Variants in ZNF385D observed in about 807,000 individuals in gnomAD.
The protein encoded by ZNF385D is zinc finger protein 659.
ZNF385D carries 15 observed loss-of-function variants against 35.8 expected under a neutral mutation model. The ratio of observed to expected loss-of-function variants is 0.42; its 90% CI spans 0.28 to 0.64. ZNF385D has a LOEUF of 0.64. Ranked by LOEUF, ZNF385D falls within the 30% of genes least tolerant of loss-of-function variation. The pLI, the probability that ZNF385D is intolerant of heterozygous loss-of-function variation, is 0.23. For synonymous variants in ZNF385D, 212 were observed against 186.8 expected (o/e 1.13, Z -1.10); for missense variants, 474 against 494.6 (o/e 0.96, Z 0.39).
At chr3:22,337,835 A>C (rs1695241985) in intron 2 of ZNF385D, among the ~76,000 whole-genome samples, 1 of 152,228 alleles carries the variant, frequency 6.6e-6, no homozygotes, top group Admixed American at 6.5e-5. Context: ...ACAGAACAGG[A>C]GCTATCACTG....
intron 3 of ZNF385D, among the ~76,000 whole-genome samples, chr3:21,843,357 G>C (rs1187250557): frequency 6.6e-6 from 1 of 151,914 alleles, no homozygotes; most frequent in Non-Finnish European, 1.5e-5. Context: ...TGACATTAGT[G>C]GACCAGGGGA....
At chr3:21,861,061 GT>G (rs1298610436) in intron 3 of ZNF385D, among the ~76,000 whole-genome samples, 1 of 152,118 alleles carries the variant, frequency 6.6e-6, no homozygotes, top group Non-Finnish European at 1.5e-5. Flanking sequence ...ACAAAGAACA[GT>G]TTAAGCGTTA....
intron 3 of ZNF385D, among the ~76,000 whole-genome samples, chr3:21,800,365 T>A (rs1409201107): frequency 1.3e-5 from 2 of 152,198 alleles, no homozygotes; most frequent in African/African-American, 4.8e-5. Context: ...ATTAAATCTA[T>A]CCAATCCATT....
chr3:21,501,311 CTT>C lies in ZNF385D; in HGVS notation c.439+9548_439+9549del, dbSNP rs576543653. ...AAAATCACTACATGTGTGTCCATGT[CTT>C]TTTATCTAAACTAGCATGAGGACCA... is the stretch of plus-strand genomic sequence containing the variant. On this transcript the variant is annotated intron_variant, in intron 4 of 7. Transcript: ENST00000281523. Among the ~76,000 whole-genome samples the C allele has an allele frequency of 7.9e-5, 12 of 152,304 alleles. No homozygotes were observed. In the East Asian group the frequency reaches 2.3e-3, roughly 29 times the overall value.
At chr3:21,843,814 G>T (rs1382999409) in intron 3 of ZNF385D, among the ~76,000 whole-genome samples, 1 of 151,880 alleles carries the variant, frequency 6.6e-6, no homozygotes, top group Non-Finnish European at 1.5e-5. Context: ...GGTCCCAGGT[G>T]GTAGCATGGT....
chr3:21,549,571 C>T (rs2062496730), intron 3 of ZNF385D, among the ~76,000 whole-genome samples: 1 of 152,298 alleles, frequency 6.6e-6, no homozygotes, highest in Middle Eastern at 3.4e-3. Flanking sequence ...TAGTGACAAC[C>T]TATAGGCCAT....
chr3:21,446,430 C>A (rs756754988), intron 4 of ZNF385D, among the ~76,000 whole-genome samples: 4 of 150,046 alleles, frequency 2.7e-5, no homozygotes, highest in Non-Finnish European at 4.4e-5. Flanking sequence ...TAAAAGAGAA[C>A]CCTGGAAAAA....
chr3:21,818,739 G>T (rs955368765), intron 3 of ZNF385D, among the ~76,000 whole-genome samples: 2 of 152,012 alleles, frequency 1.3e-5, no homozygotes, highest in Non-Finnish European at 2.9e-5. Flanking sequence ...GTTGATAATT[G>T]TGGAGGTAGG....
chr3:22,281,220 C>A (rs113145738), intron 2 of ZNF385D, among the ~76,000 whole-genome samples: 6,223 of 151,998 alleles, frequency 0.041, 144 homozygotes, highest in African/African-American at 0.063. Flanking sequence ...GTTTGGATAC[C>A]CTTTCTTTCT....
At position 21,622,595 on chromosome 3, in the gene ZNF385D, G is replaced by A. The variant is rs374925045; in HGVS notation, c.165+42291C>T. On this transcript the variant is annotated intron_variant, in intron 2 of 7. Transcript: ENST00000281523. ...CTAAGGAGGTTCTGAGATGTTAAAG[G>A]CTTCACGTAATATTACAGATAAGAA... Among the ~76,000 whole-genome samples, 125 of 152,136 alleles carry A rather than the reference G, an allele frequency of 8.2e-4. 3 individuals carry two copies. In the South Asian group the frequency reaches 0.025, roughly 30 times the overall value.
chr3:21,843,030 G>A (rs1425068972), intron 3 of ZNF385D, among the ~76,000 whole-genome samples: 2 of 152,028 alleles, frequency 1.3e-5, no homozygotes, highest in Non-Finnish European at 2.9e-5. Context: ...AAATAGTTTA[G>A]CATAAAAGCT....
chr3:21,475,826 T>C (rs1355466541), intron 4 of ZNF385D, among the ~76,000 whole-genome samples: 4 of 152,148 alleles, frequency 2.6e-5, no homozygotes, highest in African/African-American at 9.7e-5. Flanking sequence ...TAGATTCCAC[T>C]GGCATATGAA....
chr3:22,207,790 T>C (rs374405524), intron 2 of ZNF385D, among the ~76,000 whole-genome samples: 49 of 151,958 alleles, frequency 3.2e-4, no homozygotes, highest in South Asian at 1.9e-3. Context: ...AGATGTGAAA[T>C]AGACATTTCT....
At chr3:21,735,825 G>C (rs2069216604) in intron 1 of ZNF385D, among the ~76,000 whole-genome samples, 2 of 152,176 alleles carry the variant, frequency 1.3e-5, no homozygotes, top group Non-Finnish European at 2.9e-5. Flanking sequence ...AGTCTTTCTT[G>C]TAGGATTGGG....
chr3:22,009,076 C>G (rs1696399275), intron 3 of ZNF385D, among the ~76,000 whole-genome samples: 1 of 152,102 alleles, frequency 6.6e-6, no homozygotes, highest in Non-Finnish European at 1.5e-5. Flanking sequence ...AGGATAAGGG[C>G]CAGCTTGGTC....
chr3:21,903,268 C>G (rs950934650), intron 3 of ZNF385D, among the ~76,000 whole-genome samples: 3 of 152,244 alleles, frequency 2.0e-5, no homozygotes, highest in Middle Eastern at 3.4e-3. Flanking sequence ...GCATTTCCTT[C>G]TCTTTCAAAC....
intron 4 of ZNF385D, among the ~76,000 whole-genome samples, chr3:21,503,948 C>T (rs1338133542): frequency 6.6e-6 from 1 of 152,014 alleles, no homozygotes. Flanking sequence ...TACAACATCC[C>T]TGGTTTACAA....
At chr3:21,594,908 A>G (rs1402098620) in intron 2 of ZNF385D, among the ~76,000 whole-genome samples, 1 of 152,174 alleles carries the variant, frequency 6.6e-6, no homozygotes, top group Non-Finnish European at 1.5e-5. Context: ...ACACACACCT[A>G]TGTATTATAT....
intron 3 of ZNF385D, among the ~76,000 whole-genome samples, chr3:21,529,596 C>T (rs2061873601): frequency 6.6e-6 from 1 of 151,938 alleles, no homozygotes; most frequent in Non-Finnish European, 1.5e-5. Flanking sequence ...TCTTAAGTCC[C>T]TTTGGCAAAC....
Sources: gnomAD v4.1 joint callset for allele counts (sites outside exome capture counted in the v4.1 genomes callset) on GRCh38, gnomAD v4.1.1 for gene constraint, MANE v1.5 for transcripts, NCBI Gene and HGNC (gene_info 2026-07-23, HGNC 2026-07-21) for gene names.